CDH13: variants seen among roughly 807,000 people sequenced by gnomAD.
CDH13 encodes the protein cadherin-13.
Under a neutral mutation model 63.8 loss-of-function variants are expected in CDH13, and 24 were observed. That is an observed-to-expected ratio of 0.38 (90% CI 0.27 to 0.53). CDH13 has a LOEUF of 0.53. Ranked by LOEUF, CDH13 falls within the 20% of genes least tolerant of loss-of-function variation. The pLI is 0.85. For synonymous variants in CDH13, 503 were observed against 355.3 expected, an observed-to-expected ratio of 1.42 and a Z score of -4.67; for missense variants, 1,049 against 903.1, an observed-to-expected ratio of 1.16 and a Z score of -2.07.
chr16:83,302,775 G>T (rs988216122), intron 5 of CDH13, among the ~76,000 whole-genome samples: 1 of 152,178 alleles, frequency 6.6e-6, no homozygotes, highest in African/African-American at 2.4e-5. Flanking sequence ...ACCAAGCCCA[G>T]CCACAATAAG....
intron 7 of CDH13, among the ~76,000 whole-genome samples, chr16:83,498,659 C>T (rs1245810702): frequency 1.3e-5 from 2 of 152,220 alleles, no homozygotes; most frequent in Non-Finnish European, 2.9e-5. Context: ...AAACCCCTAT[C>T]AGCCCATCTC....
At chr16:83,225,567 G>C (rs577931844) in intron 5 of CDH13, among the ~76,000 whole-genome samples, 16 of 152,314 alleles carry the variant, frequency 1.1e-4, no homozygotes, top group African/African-American at 3.8e-4. Flanking sequence ...ATTCCTGATA[G>C]GGGAAATTAG....
At chr16:83,378,025 G>A (rs1243265505) in intron 6 of CDH13, among the ~76,000 whole-genome samples, 1 of 152,136 alleles carries the variant, frequency 6.6e-6, no homozygotes, top group Admixed American at 6.5e-5. Flanking sequence ...AGCAAGAGGA[G>A]GGCAGGCTGC....
chr16:82,796,002 G>A (rs1251724335), intron 1 of CDH13, among the ~76,000 whole-genome samples: 3 of 143,694 alleles, frequency 2.1e-5, no homozygotes, highest in Non-Finnish European at 3.0e-5. Flanking sequence ...GTTTTTTCAA[G>A]AATGCTTTTG....
chr16:83,010,418 T>G (rs1322712426), intron 2 of CDH13, among the ~76,000 whole-genome samples: 1 of 150,750 alleles, frequency 6.6e-6, no homozygotes, highest in Non-Finnish European at 1.5e-5. Context: ...AAATGTAGGG[T>G]TTTTTTGGCC....
At chr16:83,719,830 C>T (rs927868480) in intron 10 of CDH13, among the ~76,000 whole-genome samples, 9 of 152,138 alleles carry the variant, frequency 5.9e-5, no homozygotes, top group Admixed American at 2.6e-4. Flanking sequence ...CTCACATCAG[C>T]GTCAGTTGGC....
At chr16:83,190,342 C>A (rs994693820) in intron 4 of CDH13, among the ~76,000 whole-genome samples, 3 of 152,158 alleles carry the variant, frequency 2.0e-5, no homozygotes, top group African/African-American at 7.2e-5. Context: ...GGAAAGCCTG[C>A]TGGGTAAACA....
chr16:82,769,554 G>A (rs963214344), intron 1 of CDH13, among the ~76,000 whole-genome samples: 1 of 152,154 alleles, frequency 6.6e-6, no homozygotes, highest in African/African-American at 2.4e-5. Context: ...GGACATTAGT[G>A]GCCATTGACG....
intron 8 of CDH13, among the ~76,000 whole-genome samples, chr16:83,652,911 A>C (rs527637874): frequency 6.6e-6 from 1 of 152,202 alleles, no homozygotes; most frequent in Non-Finnish European, 1.5e-5. Context: ...AGGTCCATCA[A>C]CTGATAAATG....
At chr16:83,239,845 C>G (rs964167201) in intron 5 of CDH13, among the ~76,000 whole-genome samples, 5 of 152,032 alleles carry the variant, frequency 3.3e-5, no homozygotes, top group African/African-American at 1.2e-4. Context: ...TAAACAGGAC[C>G]AGGAGGATGG....
At chr16:83,738,897 C>T (rs1354066745) in intron 10 of CDH13, among the ~76,000 whole-genome samples, 1 of 152,142 alleles carries the variant, frequency 6.6e-6, no homozygotes, top group Non-Finnish European at 1.5e-5. Flanking sequence ...CAAAGGGAGA[C>T]TCCGTCTGAA....
chr16:83,053,521 C>A (rs2030604844), intron 3 of CDH13, among the ~76,000 whole-genome samples: 1 of 152,008 alleles, frequency 6.6e-6, no homozygotes, highest in African/African-American at 2.4e-5. Context: ...TTGATAAACA[C>A]ACCAATTGAA....
At chr16:83,552,822 C>T (rs1044911370) in intron 7 of CDH13, among the ~76,000 whole-genome samples, 4 of 152,334 alleles carry the variant, frequency 2.6e-5, no homozygotes, top group African/African-American at 9.6e-5. Context: ...TGGCTCACAC[C>T]TGTAATCCAG....
chr16:82,684,440 A>G (rs1914861459), intron 1 of CDH13, among the ~76,000 whole-genome samples: 1 of 152,126 alleles, frequency 6.6e-6, no homozygotes, highest in South Asian at 2.1e-4. Context: ...TGCGGTGAGC[A>G]AGATTCTAGA....
chr16:83,228,331 A>G (rs2039902694), intron 5 of CDH13, among the ~76,000 whole-genome samples: 1 of 152,190 alleles, frequency 6.6e-6, no homozygotes, highest in Admixed American at 6.5e-5. Flanking sequence ...GGCTCCTTGC[A>G]TGGCGTTGGC....
intron 1 of CDH13, among the ~76,000 whole-genome samples, chr16:82,817,358 G>A (rs1005142811): frequency 1.3e-5 from 2 of 152,106 alleles, no homozygotes; most frequent in Non-Finnish European, 2.9e-5. Flanking sequence ...AATGGTTTCT[G>A]CTGAATCCAT....
rs1567722243 is a variant in CDH13 at position 83,508,097 on chromosome 16, A to AAGG, written c.960+21443_960+21444insGGA. On this transcript the variant is annotated intron_variant, in intron 7 of 13. Transcript: ENST00000567109. ...GAAGGAAGGAAGGAAGGAAGGAAGG[A>AAGG]AAGAAGGAAGGAAAAGGAAGGAAGG... 7.2e-3 allele frequency among the ~76,000 whole-genome samples: 563 copies of AAGG among 78,364 alleles called. 8 individuals carry two copies. Among genetic ancestry groups the AAGG allele is most frequent in the African/African-American group, 0.024 (519 of 21,360 alleles). 51.4% of individuals were successfully genotyped at this position (78,364 alleles called of 152,430 possible). A position where few individuals can be genotyped will look rare whatever the true frequency, so the allele number is the denominator to read the frequency against.
intron 5 of CDH13, among the ~76,000 whole-genome samples, chr16:83,319,407 C>T (rs868183042): frequency 1.6e-4 from 24 of 152,164 alleles, no homozygotes; most frequent in African/African-American, 5.3e-4. Context: ...AAGCCAGAGA[C>T]GGAAAGCAGC....
intron 8 of CDH13, among the ~76,000 whole-genome samples, chr16:83,658,573 GTCCTCACCAGCAAGGTCCCATA>G (rs1913113064): frequency 1.1e-5 from 1 of 88,412 alleles, no homozygotes; most frequent in Admixed American, 1.3e-4. Context: ...CAGGTCCCAT[GTCCTCACCAGCAAGGTCCCATA>G]TCCTCACCAC....
Sources: allele counts gnomAD v4.1 joint callset (sites outside exome capture counted in the v4.1 genomes callset), GRCh38; gene constraint gnomAD v4.1.1; transcripts MANE v1.5; gene names NCBI Gene and HGNC (gene_info 2026-07-23, HGNC 2026-07-21).